SMS: variants seen among roughly 807,000 people sequenced by gnomAD.
SMS encodes the protein spermidine aminopropyltransferase.
In SMS, 3 loss-of-function variants were observed where a neutral mutation model predicts 33.0. The observed-to-expected ratio is 0.09, with a 90% CI of 0.04 to 0.23. The LOEUF (loss-of-function observed/expected upper bound fraction) is 0.23, where lower values mean the gene tolerates loss of function less well. Ranked by LOEUF, SMS falls within the 10% of genes least tolerant of loss-of-function variation. The pLI, the probability that SMS is intolerant of heterozygous loss-of-function variation, is 1.00. For missense variants in SMS, 117 were observed against 288.6 expected (o/e 0.41, Z 4.31); for synonymous variants, 103 against 112.2 (o/e 0.92, Z 0.52).
At chrX:21,948,330 C>T (rs777377828) in intron 1 of SMS, among the ~76,000 whole-genome samples, 3 of 110,508 alleles carry the variant, frequency 2.7e-5, no homozygotes, top group East Asian at 2.8e-4. Flanking sequence ...ATAATCAAGG[C>T]GCTAGGAGTG....
intron 1 of SMS, among the ~76,000 whole-genome samples, chrX:21,949,693 G>T (rs1922475192): frequency 1.8e-5 from 2 of 112,020 alleles, no homozygotes; most frequent in African/African-American, 6.5e-5. Flanking sequence ...CCTTCTAGAA[G>T]GACTGTAGAT....
intron 10 of SMS, 71 bp from the exon 11 acceptor site, chrX:21,994,241 A>G: frequency 6.1e-6 from 6 of 982,768 alleles, no homozygotes; most frequent in African/African-American, 1.9e-5. Context: ...TTTGTAGGCC[A>G]GCAAACGAAT....
At chrX:21,967,993 G>A (rs1472748983) in intron 2 of SMS, among the ~76,000 whole-genome samples, 1 of 112,553 alleles carries the variant, frequency 8.9e-6, no homozygotes, top group Non-Finnish European at 1.9e-5. Flanking sequence ...CGGAGGGGCT[G>A]GGGTCCAGAT....
At chrX:21,955,116 G>A (rs1922888679) in intron 1 of SMS, among the ~76,000 whole-genome samples, 1 of 111,889 alleles carries the variant, frequency 8.9e-6, no homozygotes, top group Non-Finnish European at 1.9e-5. Flanking sequence ...GACTACAGGC[G>A]TGAGCCACTG....
At position 21,970,135 on chromosome X, in the gene SMS, A is replaced by G. The variant is rs748335209; in HGVS notation, c.171-1762A>G. ...CCAGCTTAGTTTTTAAGAGTTTTCTACCTGGTCTCCTTCCTCTCTCACTTG... is the reference window on the plus strand; with the variant it reads ...CCAGCTTAGTTTTTAAGAGTTTTCTGCCTGGTCTCCTTCCTCTCTCACTTG... On this transcript the variant is annotated intron_variant, in intron 2 of 10. Transcript: ENST00000404933. Among the ~76,000 whole-genome samples, 3 of 112,282 alleles carry G rather than the reference A, an allele frequency of 2.7e-5. No homozygotes were observed. The South Asian group carries it at 1.1e-3, about 41-fold the overall frequency.
chrX:21,969,663 T>C (rs1331000849), intron 2 of SMS, among the ~76,000 whole-genome samples: 1 of 112,537 alleles, frequency 8.9e-6, no homozygotes, highest in African/African-American at 3.2e-5. Flanking sequence ...ATGACAGTTA[T>C]TGAAGTTTCT....
At chrX:21,949,017 C>T (rs887721390) in intron 1 of SMS, among the ~76,000 whole-genome samples, 6 of 112,119 alleles carry the variant, frequency 5.4e-5, no homozygotes, top group African/African-American at 1.3e-4. Context: ...AACAACCCTG[C>T]GGCCCTGAGG....
intron 1 of SMS, among the ~76,000 whole-genome samples, chrX:21,961,523 A>G (rs1923349649): frequency 9.0e-6 from 1 of 111,658 alleles, no homozygotes; most frequent in African/African-American, 3.3e-5. Flanking sequence ...GCTCCGGGTC[A>G]GAAGAATGAG....
rs1349745882 is a variant in SMS at position 21,967,272 on chromosome X, G to A, written c.126G>A (p.Trp42Ter). The change falls in exon 2 of 11, where the codon TGG becomes TGA. Residue 42 changes from tryptophan to a stop codon, truncating the protein, a stop_gained. Transcript: ENST00000404933. LOFTEE classifies it high-confidence loss of function. The part of the protein sequence containing the change: ...EQGMAESVHT[W>*]QDHGYLATYT... ...GGATGGCGGAGTCGGTGCACACCTG[G>A]CAGGACCATGGCTATTTAGCAACCT... 1 of 1,206,859 alleles carries A rather than the reference G, an allele frequency of 8.3e-7. No individual in the cohort carries two copies. The highest frequency in any genetic ancestry group is 1.8e-5 in the African/African-American group (1 of 56,402).
chrX:21,982,392 G>A lies in SMS; in HGVS notation c.751-1912G>A, dbSNP rs770972664. ...ACGGTCAACCCTGTTGGTGGCCCAG[G>A]AAGTTCTTGTGAAAACATTAGCAAC... On this transcript the variant is annotated intron_variant, in intron 7 of 10. Coordinates refer to ENST00000404933, the MANE Select transcript of SMS (RefSeq NM_004595.5). Among the ~76,000 whole-genome samples, 141 of 110,145 alleles carry A rather than the reference G, an allele frequency of 1.3e-3. 1 individual carries two copies. The highest frequency in any genetic ancestry group is 2.4e-3 in the Non-Finnish European group (127 of 52,738).
chrX:21,988,578 T>C (rs1396733282), intron 9 of SMS, among the ~76,000 whole-genome samples: 1 of 103,854 alleles, frequency 9.6e-6, no homozygotes, highest in Non-Finnish European at 1.9e-5. Context: ...GGCAGGAGAA[T>C]GGCGTGAACC....
At chrX:21,944,450 C>G (rs1394540570) in intron 1 of SMS, among the ~76,000 whole-genome samples, 1 of 101,314 alleles carries the variant, frequency 9.9e-6, no homozygotes, top group Non-Finnish European at 2.0e-5. Flanking sequence ...AATTCCAGCA[C>G]TCTGGGAGGC....
At chrX:21,952,006 A>G (rs1016695064) in intron 1 of SMS, among the ~76,000 whole-genome samples, 3 of 112,093 alleles carry the variant, frequency 2.7e-5, no homozygotes, top group African/African-American at 9.7e-5. Flanking sequence ...CTTGTTGCAT[A>G]TATAACAATG....
intron 1 of SMS, among the ~76,000 whole-genome samples, chrX:21,944,539 A>AAAAAAAAAAAAAAAAAAAAGAAAAAAG (rs776946474): frequency 2.5e-5 from 2 of 81,435 alleles, no homozygotes; most frequent in African/African-American, 4.9e-5. Context: ...AAAAAAAAAA[A>AAAAAAAAAAAAAAAAAAAAGAAAAAAG]AAAAAAGAAA....
rs372508475 is a variant in SMS at position 21,945,659 on chromosome X, C to T, written c.49+4786C>T. Among the ~76,000 whole-genome samples the T allele has an allele frequency of 2.5e-4, 21 of 85,169 alleles. No homozygotes were observed. The East Asian group carries it at 6.3e-3, about 25-fold the overall frequency. 74.0% of individuals were successfully genotyped at this position (85,169 alleles called of 115,157 possible). A position where few individuals can be genotyped will look rare whatever the true frequency, so the allele number is the denominator to read the frequency against. ...TCCCCCCCCCCACCCCCTACAGTCT[C>T]GCTCTGTCGCCCAGAGCTGGAGTGC... On this transcript the variant is annotated intron_variant, in intron 1 of 10. Transcript: ENST00000404933.
At chrX:21,983,551 T>C (rs1925126618) in intron 7 of SMS, among the ~76,000 whole-genome samples, 1 of 111,918 alleles carries the variant, frequency 8.9e-6, no homozygotes, top group South Asian at 3.7e-4. Context: ...TAACTATATA[T>C]GATCTGTATG....
At chrX:21,986,766 T>C (rs914729472) in intron 9 of SMS, among the ~76,000 whole-genome samples, 2 of 112,130 alleles carry the variant, frequency 1.8e-5, no homozygotes, top group South Asian at 7.3e-4. Context: ...CCTGCTTGCA[T>C]GTTTGTAAAG....
At chrX:21,945,633 G>GCCC (rs1569340036) in intron 1 of SMS, among the ~76,000 whole-genome samples, 33 of 49,693 alleles carry the variant, frequency 6.6e-4, no homozygotes, top group Middle Eastern at 9.7e-3. Context: ...TTTGCTTCCC[G>GCCC]TCCCCCCCCC....
At position 21,954,997 on chromosome X, in the gene SMS, G is replaced by T. The variant is rs182624249; in HGVS notation, c.50-12199G>T. 2.0e-4 allele frequency among the ~76,000 whole-genome samples: 22 copies of T among 110,615 alleles called. No individual in the cohort carries two copies. The East Asian group carries it at 6.3e-3, about 32-fold the overall frequency. The stretch of plus-strand genomic sequence containing the variant: ...TATTACAGGCACCCACTACCACAGC[G>T]GGCTAATTTTTATATTTTAGCAGAG... On this transcript the variant is annotated intron_variant, in intron 1 of 10. Transcript: ENST00000404933.
Sources: gnomAD v4.1 joint callset for allele counts (sites outside exome capture counted in the v4.1 genomes callset) on GRCh38, gnomAD v4.1.1 for gene constraint, MANE v1.5 for transcripts, NCBI Gene and HGNC (gene_info 2026-07-23, HGNC 2026-07-21) for gene names.